Variants in GPM6A observed in about 807,000 individuals in gnomAD.
GPM6A encodes the protein glycoprotein M6A.
A neutral mutation model predicts 32.1 loss-of-function variants in GPM6A; 7 were observed. The ratio of observed to expected loss-of-function variants is 0.22; its 90% CI spans 0.12 to 0.41. GPM6A has a LOEUF of 0.41. Ranked by LOEUF, GPM6A falls within the 10% of genes least tolerant of loss-of-function variation. GPM6A has a pLI of 1.00. For missense variants in GPM6A, 235 were observed against 347.2 expected (o/e 0.68, Z 2.57); for synonymous variants, 130 against 123.4 (o/e 1.05, Z -0.35).
intron 1 of GPM6A, among the ~76,000 whole-genome samples, chr4:175,777,939 G>A (rs1733459532): frequency 6.6e-6 from 1 of 152,084 alleles, no homozygotes; most frequent in Non-Finnish European, 1.5e-5. Context: ...GACATTTAAA[G>A]TAATGTTTTT....
intron 1 of GPM6A, among the ~76,000 whole-genome samples, chr4:175,748,589 G>A (rs1421572138): frequency 2.0e-5 from 3 of 152,130 alleles, no homozygotes; most frequent in African/African-American, 7.2e-5. Flanking sequence ...CAGATGTGCT[G>A]TCACCTTTGT....
chr4:175,755,052 T>A lies in GPM6A; in HGVS notation c.38-53285A>T, dbSNP rs184635392. On this transcript the variant is annotated intron_variant, in intron 1 of 6. Transcript: ENST00000393658. ...TTAAAGAAAAAAATCTTCAAAAAAA[T>A]TTTTTTGTGTAATTTGAACATTATA... Among the ~76,000 whole-genome samples, 402 of 152,130 alleles carry A rather than the reference T, an allele frequency of 2.6e-3. 4 individuals carry two copies. Among genetic ancestry groups the A allele is most frequent in the African/African-American group, 7.9e-3 (329 of 41,538 alleles).
At chr4:175,829,280 G>T (rs978536210) in intron 1 of GPM6A, among the ~76,000 whole-genome samples, 1 of 152,078 alleles carries the variant, frequency 6.6e-6, no homozygotes, top group Non-Finnish European at 1.5e-5. Flanking sequence ...AAATGGACTC[G>T]ATATAGTTTA....
chr4:175,955,242 A>G (rs1739947705), intron 1 of GPM6A, among the ~76,000 whole-genome samples: 1 of 152,364 alleles, frequency 6.6e-6, no homozygotes, highest in East Asian at 1.9e-4. Context: ...ACTGGGGTCC[A>G]TGGGAGAAAG....
At chr4:175,950,615 C>T (rs1238077533) in intron 1 of GPM6A, among the ~76,000 whole-genome samples, 1 of 152,054 alleles carries the variant, frequency 6.6e-6, no homozygotes, top group Non-Finnish European at 1.5e-5. Context: ...CTCAAAAGAA[C>T]CTAGGACAAT....
chr4:175,990,355 T>C lies in GPM6A; in HGVS notation c.-23+11954A>G, dbSNP rs760417574. 9.8e-4 allele frequency among the ~76,000 whole-genome samples: 150 copies of C among 152,308 alleles called. 1 individual carries two copies. The highest frequency in any genetic ancestry group is 1.6e-3 in the Admixed American group (25 of 15,292). On this transcript the variant is annotated intron_variant, in intron 1 of 7. Transcript: ENST00000280187. ...CTTCTCTTGATGACTGCAGCCTCCATCGATGTCCTCCATTCCTGACCAGTG... is the reference window on the plus strand; with the variant it reads ...CTTCTCTTGATGACTGCAGCCTCCACCGATGTCCTCCATTCCTGACCAGTG...
At chr4:175,704,402 A>G (rs1253140433) in intron 1 of GPM6A, among the ~76,000 whole-genome samples, 2 of 152,092 alleles carry the variant, frequency 1.3e-5, no homozygotes, top group African/African-American at 2.4e-5. Context: ...AAAGGTTAGA[A>G]CAGCTTGAAA....
At chr4:175,899,076 C>T (rs1737877801) in intron 1 of GPM6A, among the ~76,000 whole-genome samples, 1 of 152,160 alleles carries the variant, frequency 6.6e-6, no homozygotes, top group African/African-American at 2.4e-5. Flanking sequence ...AGTTTTCAGT[C>T]CATGTTTAGA....
At chr4:175,982,524 C>G (rs1298423534) in intron 1 of GPM6A, among the ~76,000 whole-genome samples, 1 of 152,106 alleles carries the variant, frequency 6.6e-6, no homozygotes, top group Non-Finnish European at 1.5e-5. Context: ...CCACTTAATA[C>G]TCTATGTATC....
Position 175,689,001 on chromosome 4 carries a change from C to T in GPM6A, c.230+12574G>A, listed in dbSNP as rs572491689. Among the ~76,000 whole-genome samples, 6 of 152,242 alleles carry T rather than the reference C, an allele frequency of 3.9e-5. No homozygotes were observed. The East Asian group carries it at 1.2e-3, about 29-fold the overall frequency. On this transcript the variant is annotated intron_variant, in intron 2 of 6. Coordinates refer to ENST00000393658, the MANE Select transcript of GPM6A (RefSeq NM_201591.3). ...CTGAGCAGCTTGGACTACAGGCAGG[C>T]ACCACCATGCCTGGCTAATTATTCT...
rs1268726018 is a variant in GPM6A at position 175,663,597 on chromosome 4, G to GCC, written c.387+10082_387+10083insGG. The stretch of plus-strand genomic sequence containing the variant: ...TAGCTTGATTTAGCCTTTCCACAAT[G>GCC]TATACATATTTGAAACCAATATGTG... On this transcript the variant is annotated intron_variant, in intron 3 of 6. Transcript: ENST00000393658. Among the ~76,000 whole-genome samples the GCC allele has an allele frequency of 5.3e-5, 8 of 152,054 alleles. No individual in the cohort carries two copies. The East Asian group carries it at 1.5e-3, about 29-fold the overall frequency.
chr4:175,718,487 G>A (rs1745953947), intron 1 of GPM6A, among the ~76,000 whole-genome samples: 1 of 151,936 alleles, frequency 6.6e-6, no homozygotes, highest in South Asian at 2.1e-4. Context: ...GTAATGGTGG[G>A]CACCTGTAGT....
At chr4:175,824,649 G>A (rs1735378574) in intron 1 of GPM6A, among the ~76,000 whole-genome samples, 2 of 152,110 alleles carry the variant, frequency 1.3e-5, no homozygotes, top group African/African-American at 2.4e-5. Flanking sequence ...TGAGACTGAC[G>A]TTGAACCTAT....
At chr4:175,829,495 A>G (rs1269729355) in intron 1 of GPM6A, among the ~76,000 whole-genome samples, 1 of 151,706 alleles carries the variant, frequency 6.6e-6, no homozygotes, top group African/African-American at 2.4e-5. Flanking sequence ...CAGTGAAGTC[A>G]GTGGTATAGT....
At chr4:175,894,891 GGC>G (rs1200696751) in intron 1 of GPM6A, among the ~76,000 whole-genome samples, 1 of 152,078 alleles carries the variant, frequency 6.6e-6, no homozygotes, top group East Asian at 1.9e-4. Context: ...TCTACTAAGT[GGC>G]AGGTCCAAGT....
At chr4:175,695,749 G>T (rs1490168692) in intron 2 of GPM6A, among the ~76,000 whole-genome samples, 2 of 152,112 alleles carry the variant, frequency 1.3e-5, no homozygotes, top group Admixed American at 1.3e-4. Flanking sequence ...GGAACTTAGG[G>T]GAAACATAAT....
chr4:175,897,172 C>T (rs1369217297), intron 1 of GPM6A, among the ~76,000 whole-genome samples: 1 of 152,040 alleles, frequency 6.6e-6, no homozygotes, highest in African/African-American at 2.4e-5. Context: ...TGGTGTCCAG[C>T]CTGGGCTGGA....
chr4:175,770,529 C>T (rs1281678494), intron 1 of GPM6A, among the ~76,000 whole-genome samples: 1 of 152,150 alleles, frequency 6.6e-6, no homozygotes, highest in African/African-American at 2.4e-5. Flanking sequence ...TTTTGATCTG[C>T]CCGTTGCTTG....
At chr4:175,717,430 C>T (rs566037074) in intron 1 of GPM6A, among the ~76,000 whole-genome samples, 1 of 152,096 alleles carries the variant, frequency 6.6e-6, no homozygotes. Flanking sequence ...ATCATAGAAG[C>T]TTATTTTTTA....
Sources: gnomAD v4.1 joint callset for allele counts (sites outside exome capture counted in the v4.1 genomes callset) on GRCh38, gnomAD v4.1.1 for gene constraint, MANE v1.5 for transcripts, NCBI Gene and HGNC (gene_info 2026-07-23, HGNC 2026-07-21) for gene names.